The following CCDC102B variants were observed in gnomAD, a reference collection of about 807,000 sequenced individuals.
CCDC102B encodes coiled-coil domain containing 102B, also known as coiled-coil domain-containing protein 102B.
A neutral mutation model predicts 57.4 loss-of-function variants in CCDC102B; 75 were observed. That is an observed-to-expected ratio of 1.31 (90% CI 1.08 to 1.58). CCDC102B has a LOEUF of 1.58. CCDC102B is among the 40% of genes most tolerant of loss of function. The pLI is 0.00. For synonymous variants in CCDC102B, 206 were observed against 201.9 expected (o/e 1.02, Z -0.17); for missense variants, 636 against 582.6 (o/e 1.09, Z -0.94).
intron 1 of CCDC102B, among the ~76,000 whole-genome samples, chr18:68,829,557 C>T (rs955885792): frequency 1.7e-4 from 26 of 152,008 alleles, no homozygotes; most frequent in Non-Finnish European, 3.5e-4. Context: ...CTTCAAACTT[C>T]GTGAAGTCTG....
chr18:68,774,162 A>G (rs2034734183), intron 2 of CCDC102B, among the ~76,000 whole-genome samples: 1 of 151,902 alleles, frequency 6.6e-6, no homozygotes, highest in South Asian at 2.1e-4. Context: ...GTATCTTTCA[A>G]TGGGAAATGA....
At chr18:68,978,459 A>T (rs1391382501) in intron 6 of CCDC102B, among the ~76,000 whole-genome samples, 1 of 152,056 alleles carries the variant, frequency 6.6e-6, no homozygotes, top group Non-Finnish European at 1.5e-5. Context: ...ATGGAGAATA[A>T]AAGTAGGGTA....
chr18:69,002,231 C>G (rs1335257654), intron 6 of CCDC102B, among the ~76,000 whole-genome samples: 1 of 152,142 alleles, frequency 6.6e-6, no homozygotes, highest in Non-Finnish European at 1.5e-5. Flanking sequence ...TTATTTCTTG[C>G]CCGCCCGACA....
chr18:68,808,797 C>T (rs543513687), intron 1 of CCDC102B, among the ~76,000 whole-genome samples: 159 of 152,082 alleles, frequency 1.0e-3, no homozygotes, highest in African/African-American at 3.8e-3. Flanking sequence ...TTTTTATTTT[C>T]GTTTTTCTGA....
At chr18:68,819,866 T>C (rs1027648557) in intron 1 of CCDC102B, among the ~76,000 whole-genome samples, 4 of 152,054 alleles carry the variant, frequency 2.6e-5, no homozygotes, top group Non-Finnish European at 5.9e-5. Context: ...CAATTTGATA[T>C]TTGATGTCTA....
intron 5 of CCDC102B, among the ~76,000 whole-genome samples, chr18:68,896,770 A>ATC (rs2040257167): frequency 2.0e-5 from 3 of 151,898 alleles, no homozygotes; most frequent in Non-Finnish European, 4.4e-5. Flanking sequence ...AGATAGAGAG[A>ATC]TAGAGAGATA....
rs993751295 is a variant in CCDC102B at position 69,050,472 on chromosome 18, A to G, written c.1435-3558A>G. Among the ~76,000 whole-genome samples the G allele has an allele frequency of 6.6e-5, 10 of 152,294 alleles. No homozygotes were observed. In the South Asian group the frequency reaches 8.3e-4, roughly 13 times the overall value. On this transcript the variant is annotated intron_variant, in intron 7 of 7. Coordinates refer to ENST00000360242, the MANE Select transcript of CCDC102B (RefSeq NM_024781.3). ...CTAGTCATGATAGTGCCTTCACTGT[A>G]TAGCCAAGAATCACTTACAATAGCA...
At chr18:68,913,117 T>C (rs1310558633) in intron 6 of CCDC102B, among the ~76,000 whole-genome samples, 6 of 152,236 alleles carry the variant, frequency 3.9e-5, no homozygotes, top group Non-Finnish European at 5.9e-5. Flanking sequence ...GCCATCACTT[T>C]CTGTTTTCCC....
At chr18:68,977,167 TG>T (rs2050459353) in intron 6 of CCDC102B, among the ~76,000 whole-genome samples, 1 of 152,070 alleles carries the variant, frequency 6.6e-6, no homozygotes, top group African/African-American at 2.4e-5. Flanking sequence ...TGTGTTATTT[TG>T]TAGCATATAT....
chr18:69,008,135 AGAT>A (rs2051403305), intron 6 of CCDC102B, among the ~76,000 whole-genome samples: 1 of 152,246 alleles, frequency 6.6e-6, no homozygotes, highest in African/African-American at 2.4e-5. Flanking sequence ...TATGTCTGAC[AGAT>A]CAAGAAAGAT....
intron 4 of CCDC102B, among the ~76,000 whole-genome samples, chr18:68,846,752 A>C (rs1371931969): frequency 6.6e-6 from 1 of 151,848 alleles, no homozygotes; most frequent in Non-Finnish European, 1.5e-5. Context: ...GAGCTACATG[A>C]CACAATTAAT....
chr18:68,864,517 T>G lies in CCDC102B; in HGVS notation c.937-10152T>G, dbSNP rs139379332. Reference sequence around the variant, plus strand: ...TTTCCTGGGTACTGTTACATTTTTCTAATTCTTGGTTTTCCTGCATCATAT... The same window carrying G: ...TTTCCTGGGTACTGTTACATTTTTCGAATTCTTGGTTTTCCTGCATCATAT... On this transcript the variant is annotated intron_variant, in intron 4 of 7. Coordinates refer to ENST00000360242, the MANE Select transcript of CCDC102B (RefSeq NM_024781.3). Among the ~76,000 whole-genome samples the G allele has an allele frequency of 6.0e-3, 918 of 152,168 alleles. 3 individuals carry two copies. Among genetic ancestry groups the G allele is most frequent in the Non-Finnish European group, 8.2e-3 (560 of 67,898 alleles).
intron 2 of CCDC102B, among the ~76,000 whole-genome samples, chr18:68,790,463 T>A (rs1301699597): frequency 1.3e-5 from 2 of 151,936 alleles, no homozygotes; most frequent in African/African-American, 2.4e-5. Context: ...CTCAGACTGC[T>A]GTGCTAGCAA....
At chr18:68,841,730 T>A (rs1418871979) in intron 3 of CCDC102B, among the ~76,000 whole-genome samples, 1 of 152,030 alleles carries the variant, frequency 6.6e-6, no homozygotes, top group Non-Finnish European at 1.5e-5. Context: ...CATTTTATCT[T>A]TTTTTTCTTT....
chr18:68,975,067 C>A (rs535055563), intron 6 of CCDC102B, among the ~76,000 whole-genome samples: 1 of 152,006 alleles, frequency 6.6e-6, no homozygotes, highest in African/African-American at 2.4e-5. Context: ...AACAGGCAAA[C>A]AAATAGATGG....
Position 68,829,763 on chromosome 18 carries a change from G to A in CCDC102B, c.-15-6986G>A, listed in dbSNP as rs540892981. On this transcript the variant is annotated intron_variant, in intron 1 of 7. Coordinates refer to ENST00000360242, the MANE Select transcript of CCDC102B (RefSeq NM_024781.3). Reference sequence around the variant, plus strand: ...AAGAACAAGTGTGAATATGGTAAACGGTTTAGGAATTTTGCTTAGAAAATG... The same window carrying A: ...AAGAACAAGTGTGAATATGGTAAACAGTTTAGGAATTTTGCTTAGAAAATG... Among the ~76,000 whole-genome samples, 248 of 152,030 alleles carry A rather than the reference G, an allele frequency of 1.6e-3. 2 individuals are homozygous for A. The highest frequency in any genetic ancestry group is 0.01 in the Middle Eastern group (3 of 292).
intron 1 of CCDC102B, among the ~76,000 whole-genome samples, chr18:68,828,041 G>A (rs923266525): frequency 2.0e-4 from 30 of 151,722 alleles, no homozygotes; most frequent in African/African-American, 7.0e-4. Context: ...TCCTATATGA[G>A]TATTAGTAAA....
intron 5 of CCDC102B, among the ~76,000 whole-genome samples, chr18:68,888,800 A>T (rs866055012): frequency 3.9e-5 from 6 of 152,276 alleles, no homozygotes; most frequent in Middle Eastern, 3.4e-3. Context: ...TAAGGTATGG[A>T]CTGCCAGCTT....
intron 1 of CCDC102B, among the ~76,000 whole-genome samples, chr18:68,835,696 T>A (rs1452193557): frequency 6.6e-6 from 1 of 152,184 alleles, no homozygotes; most frequent in Non-Finnish European, 1.5e-5. Context: ...CTACGTGTCA[T>A]GCCATAATTC....
Sources: allele counts gnomAD v4.1 joint callset (sites outside exome capture counted in the v4.1 genomes callset), GRCh38; gene constraint gnomAD v4.1.1; transcripts MANE v1.5; gene names NCBI Gene and HGNC (gene_info 2026-07-23, HGNC 2026-07-21).